The following USP9X variants were observed in gnomAD, a reference collection of about 807,000 sequenced individuals.
USP9X encodes the protein ubiquitin carboxyl-terminal hydrolase 9X.
USP9X carries 7 observed loss-of-function variants against 190.3 expected under a neutral mutation model. The ratio of observed to expected loss-of-function variants is 0.04; its 90% CI spans 0.02 to 0.07. USP9X has a LOEUF of 0.07. USP9X is among the 10% of genes least tolerant of loss of function. The pLI is 1.00. For synonymous variants in USP9X, 645 were observed against 659.5 expected (o/e 0.98, Z 0.34); for missense variants, 1,010 against 1,916.9 (o/e 0.53, Z 8.83).
chrX:41,180,451 C>T (rs745328305), intron 21 of USP9X, among the ~76,000 whole-genome samples: 7 of 112,184 alleles, frequency 6.2e-5, no homozygotes, highest in Non-Finnish European at 1.1e-4. Flanking sequence ...TGGGTGCTTT[C>T]TTCATGTTTT....
At chrX:41,185,553 A>T (rs1174300577) in intron 23 of USP9X, among the ~76,000 whole-genome samples, 1 of 111,631 alleles carries the variant, frequency 9.0e-6, no homozygotes, top group Non-Finnish European at 1.9e-5. Flanking sequence ...GGAGTTAATT[A>T]TACTACTTTC....
intron 1 of USP9X, among the ~76,000 whole-genome samples, chrX:41,086,568 T>A (rs1306472679): frequency 8.9e-6 from 1 of 112,099 alleles, no homozygotes; most frequent in Non-Finnish European, 1.9e-5. Flanking sequence ...GTGGAGTGAT[T>A]TGGAGCTGGG....
intron 2 of USP9X, 30 bp downstream of exon 2, chrX:41,123,754 A>G: frequency 2.6e-6 from 3 of 1,172,936 alleles, no homozygotes; most frequent in Non-Finnish European, 3.5e-6. Context: ...AGTTAAAGCT[A>G]CAGTGGGGCT....
intron 30 of USP9X, among the ~76,000 whole-genome samples, chrX:41,199,140 C>T (rs1292512573): frequency 3.7e-5 from 4 of 109,573 alleles, no homozygotes; most frequent in African/African-American, 1.0e-4. Flanking sequence ...GCCGAGATCG[C>T]GCCACTGCAC....
intron 2 of USP9X, among the ~76,000 whole-genome samples, chrX:41,125,056 A>G (rs1374616980): frequency 9.0e-6 from 1 of 111,523 alleles, no homozygotes; most frequent in Non-Finnish European, 1.9e-5. Flanking sequence ...GGTTTTATTT[A>G]TGGAAAAGTT....
In USP9X at chrX:41,191,311, A is replaced by G. The variant is rs575941819; in HGVS notation, c.3977+1836A>G. The stretch of plus-strand genomic sequence containing the variant: ...GCCATTGTACTCCAGCCTGGGCAAT[A>G]AGAGTGAAACTCCATGTCAAAAAAA... On this transcript the variant is annotated intron_variant, in intron 26 of 44. Transcript: ENST00000378308. Among the ~76,000 whole-genome samples, 18 of 97,429 alleles carry G rather than the reference A, an allele frequency of 1.8e-4. 1 individual carries two copies. The highest frequency in any genetic ancestry group is 6.6e-4 in the African/African-American group (17 of 25,869). 84.6% of individuals were successfully genotyped at this position (97,429 alleles called of 115,157 possible).
chrX:41,197,412 G>C lies in USP9X; in HGVS notation c.4282G>C (p.Glu1428Gln). The C allele has an allele frequency of 2.6e-6, 3 of 1,174,678 alleles. No individual in the cohort carries two copies. The highest frequency in any genetic ancestry group is 3.4e-6 in the Non-Finnish European group (3 of 876,935). ...AACGGGTATTGAAGAGACGATCTTAGAGGGCCACCTTGGAGTGACAAAGGA... is the reference window on the plus strand; with the variant it reads ...AACGGGTATTGAAGAGACGATCTTACAGGGCCACCTTGGAGTGACAAAGGA... ...GETGIEETIL[E>Q]GHLGVTKELL... The change falls in exon 29 of 45, where the codon GAG (glutamate) becomes CAG (glutamine). Residue 1428 changes from glutamate (E) to glutamine (Q), a missense_variant. Coordinates refer to ENST00000378308, the MANE Select transcript of USP9X (RefSeq NM_001039591.3).
At chrX:41,092,586 G>T (rs1041711329) in intron 1 of USP9X, among the ~76,000 whole-genome samples, 2 of 111,452 alleles carry the variant, frequency 1.8e-5, no homozygotes, top group African/African-American at 6.5e-5. Context: ...GACTTTGTGG[G>T]CTAAGAGGCA....
At chrX:41,107,503 A>G (rs1299432598) in intron 1 of USP9X, among the ~76,000 whole-genome samples, 1 of 112,254 alleles carries the variant, frequency 8.9e-6, no homozygotes, top group Non-Finnish European at 1.9e-5. Context: ...GATGTTTCTC[A>G]GTCTGGATCT....
chrX:41,106,776 C>T (rs2062072607), intron 1 of USP9X, among the ~76,000 whole-genome samples: 1 of 109,844 alleles, frequency 9.1e-6, no homozygotes, highest in African/African-American at 3.3e-5. Context: ...GGTGATCCAC[C>T]AGTCTCGGCC....
At chrX:41,105,803 A>G (rs771933116) in intron 1 of USP9X, among the ~76,000 whole-genome samples, 5 of 112,202 alleles carry the variant, frequency 4.5e-5, no homozygotes, top group Non-Finnish European at 5.6e-5. Context: ...TATCCTTGCT[A>G]TCACTTGTGT....
intron 3 of USP9X, among the ~76,000 whole-genome samples, chrX:41,130,375 G>A (rs2062298303): frequency 9.1e-6 from 1 of 110,468 alleles, no homozygotes; most frequent in Non-Finnish European, 1.9e-5. Flanking sequence ...TCTGGTGGTT[G>A]GTGATTGGTA....
At chrX:41,202,400 C>T (rs2063051419) in intron 31 of USP9X, among the ~76,000 whole-genome samples, 1 of 112,211 alleles carries the variant, frequency 8.9e-6, no homozygotes. Context: ...AAGTTGTGGT[C>T]ATGTTTGTGC....
intron 1 of USP9X, among the ~76,000 whole-genome samples, chrX:41,105,849 T>C (rs1468453688): frequency 1.8e-5 from 2 of 112,225 alleles, no homozygotes; most frequent in African/African-American, 6.5e-5. Flanking sequence ...CCTAGTGATA[T>C]CTCATAGTGG....
At chrX:41,098,682 A>G (rs1162571912) in intron 1 of USP9X, among the ~76,000 whole-genome samples, 3 of 107,380 alleles carry the variant, frequency 2.8e-5, no homozygotes, top group Non-Finnish European at 5.8e-5. Context: ...CAGCCTCCCG[A>G]GTAGCTGGGA....
rs2062709738 is a variant in USP9X, at chrX:41,169,867, A to G, written c.2637-128A>G. ...AAGGGATTCTCAAGCTGTATTAAGT[A>G]TCTTTAATTCACATCCTCTTGTTTA... On this transcript the variant is annotated intron_variant, in intron 18 of 44. Transcript: ENST00000378308. 3.4e-6 allele frequency: 3 copies of G among 878,562 alleles called. No individual in the cohort carries two copies. The East Asian group carries it at 9.5e-5, about 28-fold the overall frequency. The allele number at this position is 878,562 out of a possible 1,213,427, so 72.4% of individuals were successfully genotyped here. A position where few individuals can be genotyped will look rare whatever the true frequency, so the allele number is the denominator to read the frequency against.
intron 33 of USP9X, among the ~76,000 whole-genome samples, chrX:41,210,985 T>G (rs1180642209): frequency 2.7e-5 from 3 of 110,978 alleles, no homozygotes; most frequent in African/African-American, 9.8e-5. Context: ...CTTTCTCTTT[T>G]TTTTTCTTTC....
At chrX:41,130,345 T>G (rs1052120102) in intron 3 of USP9X, among the ~76,000 whole-genome samples, 1 of 111,298 alleles carries the variant, frequency 9.0e-6, no homozygotes, top group African/African-American at 3.3e-5. Flanking sequence ...GTTGTATTGT[T>G]TGTTGCTTTT....
intron 11 of USP9X, among the ~76,000 whole-genome samples, chrX:41,145,425 A>C (rs2062455976): frequency 8.9e-6 from 1 of 112,013 alleles, no homozygotes; most frequent in Non-Finnish European, 1.9e-5. Flanking sequence ...TTGTTAGCAG[A>C]ATTACTTGTA....
Sources: gnomAD v4.1 joint callset for allele counts (sites outside exome capture counted in the v4.1 genomes callset) on GRCh38, gnomAD v4.1.1 for gene constraint, MANE v1.5 for transcripts, NCBI Gene and HGNC (gene_info 2026-07-23, HGNC 2026-07-21) for gene names.